DMBT1: variants seen among roughly 807,000 people sequenced by gnomAD.
DMBT1 encodes scavenger receptor cysteine-rich domain-containing protein DMBT1.
Under a neutral mutation model 252.9 loss-of-function variants are expected in DMBT1, and 198 were observed. The observed-to-expected ratio is 0.78, with a 90% confidence interval of 0.70 to 0.88. DMBT1 has a LOEUF of 0.88. DMBT1 is among the 40% of genes least tolerant of loss of function. DMBT1 has a pLI of 0.00. For missense variants in DMBT1, 2,432 were observed against 2,404.7 expected, an observed-to-expected ratio of 1.01 and a Z score of -0.24; for synonymous variants, 990 against 942.7, an observed-to-expected ratio of 1.05 and a Z score of -0.92.
chr10:122,624,540 A>G (rs535895592), intron 44 of DMBT1, among the ~76,000 whole-genome samples: 53 of 152,176 alleles, frequency 3.5e-4, no homozygotes, highest in African/African-American at 1.2e-3. Flanking sequence ...CTAGAATCCA[A>G]TTCTGGTTTG....
chr10:122,618,189 A>C lies in DMBT1; in HGVS notation c.5064A>C (p.Pro1688=). 1.2e-6 allele frequency: 2 copies of C among 1,613,900 alleles called. No homozygotes were observed. The highest frequency in any genetic ancestry group is 1.7e-6 in the Non-Finnish European group (2 of 1,179,832). ...QLGCGWAMSA[P]GNAQFGQGSG... ...GCTGTGGCTGGGCCATGTCAGCCCC[A>C]GGAAATGCCCAGTTTGGCCAGGGCT... Residue 1688 remains proline (P), a synonymous_variant, in exon 41 of 56, where the codon CCA becomes CCC. Transcript: ENST00000338354.
At chr10:122,627,548 G>A (rs554551793) in intron 46 of DMBT1, among the ~76,000 whole-genome samples, 2 of 152,116 alleles carry the variant, frequency 1.3e-5, no homozygotes, top group South Asian at 2.1e-4. Context: ...TTAGTTAAAC[G>A]GTTACTAATT....
intron 14 of DMBT1, among the ~76,000 whole-genome samples, chr10:122,584,955 C>G (rs2097776911): frequency 6.7e-6 from 1 of 149,202 alleles, no homozygotes; most frequent in East Asian, 2.1e-4. Context: ...TTAGCTCGAG[C>G]TAGTAGAGTG....
Position 122,570,271 on chromosome 10 carries a change from T to C in DMBT1, c.139+62T>C, listed in dbSNP as rs1038336343. 1.4e-5 allele frequency: 19 copies of C among 1,329,994 alleles called. 1 individual carries two copies. The South Asian group carries it at 2.2e-4, about 16-fold the overall frequency. The allele number at this position is 1,329,994 out of a possible 1,614,324, so 82.4% of individuals were successfully genotyped here. ...ACCCCACTGCACCCCTAGGTTCATC[T>C]CTGATCCAGAAGAGATGCAGAAGCC... On this transcript the variant is annotated intron_variant, in intron 3 of 55. Transcript: ENST00000338354.
At chr10:122,634,428 TCTTCTCTC>T (rs2098201484) in intron 52 of DMBT1, among the ~76,000 whole-genome samples, 1 of 78,364 alleles carries the variant, frequency 1.3e-5, no homozygotes, top group Non-Finnish European at 2.4e-5. Context: ...TCTCTCTCTC[TCTTCTCTC>T]TCTCTCTCTC....
At chr10:122,629,389 G>T (rs867278770) in intron 46 of DMBT1, among the ~76,000 whole-genome samples, 1 of 152,188 alleles carries the variant, frequency 6.6e-6, no homozygotes, top group African/African-American at 2.4e-5. Context: ...CTAACCCAAC[G>T]TTGTGCTACT....
At position 122,591,387 on chromosome 10, in the gene DMBT1, T is replaced by C. The variant is rs1040903167; in HGVS notation, c.2138-92T>C. 1.9e-5 allele frequency: 26 copies of C among 1,370,118 alleles called. 1 individual carries two copies. Among genetic ancestry groups the C allele is most frequent in the Non-Finnish European group, 2.3e-5 (22 of 968,400 alleles). The allele number at this position is 1,370,118 out of a possible 1,614,324, so 84.9% of individuals were successfully genotyped here. A position where few individuals can be genotyped will look rare whatever the true frequency, so the allele number is the denominator to read the frequency against. On this transcript the variant is annotated intron_variant, in intron 18 of 55. Coordinates refer to ENST00000338354, the MANE Select transcript of DMBT1 (RefSeq NM_001377530.1). ...GGCAGGAACTAGAAATGGAAGAATA[T>C]TCATGATGCTTGCCTTGTCCAGAGA...
chr10:122,616,908 T>C (rs534421996), intron 39 of DMBT1, among the ~76,000 whole-genome samples: 1,202 of 106,704 alleles, frequency 0.011, 39 homozygotes, highest in African/African-American at 0.046. Context: ...TGCCAGTGTC[T>C]GAGCCTCAGC....
chr10:122,618,798 G>T (rs564466467), intron 41 of DMBT1, among the ~76,000 whole-genome samples: 1 of 152,366 alleles, frequency 6.6e-6, no homozygotes, highest in South Asian at 2.1e-4. Flanking sequence ...GAGGCTCAAG[G>T]GTTAGGAGTG....
At chr10:122,580,971 C>G in intron 11 of DMBT1, 76 bp downstream of exon 11, 1 of 1,549,914 alleles carries the variant, frequency 6.5e-7, no homozygotes, top group Admixed American at 1.9e-5. Context: ...CCACAGAGCT[C>G]TCCTGTTTCT....
Position 122,591,530 on chromosome 10 carries a change from C to T in DMBT1, c.2176+13C>T. 6.3e-7 allele frequency: 1 copy of T among 1,582,110 alleles called. No homozygotes were observed. The highest frequency in any genetic ancestry group is 1.3e-5 in the African/African-American group (1 of 74,654). On this transcript the variant is annotated intron_variant, in intron 19 of 55. Coordinates refer to ENST00000338354, the MANE Select transcript of DMBT1 (RefSeq NM_001377530.1). ...CCATCGACAGTAGGTAAATAATCCT[C>T]TCACCCCTCCCTAGGGCTCACTCTC...
chr10:122,617,770 A>C (rs2098010294), intron 40 of DMBT1, among the ~76,000 whole-genome samples: 1 of 151,548 alleles, frequency 6.6e-6, no homozygotes, highest in Admixed American at 6.6e-5. Flanking sequence ...TGGGGCATTC[A>C]TTCCTGTCAC....
intron 1 of DMBT1, among the ~76,000 whole-genome samples, chr10:122,562,001 C>T (rs2097551423): frequency 6.6e-6 from 1 of 151,800 alleles, no homozygotes; most frequent in African/African-American, 2.4e-5. Context: ...CAGCTATTAT[C>T]ACCTTCCCTC....
At chr10:122,621,833 C>T (rs967712433) in intron 44 of DMBT1, among the ~76,000 whole-genome samples, 1 of 152,172 alleles carries the variant, frequency 6.6e-6, no homozygotes, top group Non-Finnish European at 1.5e-5. Context: ...GGATTGGAGG[C>T]ATATGGGCTA....
intron 17 of DMBT1, among the ~76,000 whole-genome samples, chr10:122,590,011 G>A (rs1464627149): frequency 2.7e-5 from 4 of 148,578 alleles, no homozygotes; most frequent in African/African-American, 7.3e-5. Flanking sequence ...TTAGGTGAGG[G>A]TGAGGTGGAT....
At chr10:122,626,001 T>C (rs1337059329) in intron 46 of DMBT1, 36 bp downstream of exon 46, 4 of 1,570,728 alleles carry the variant, frequency 2.5e-6, no homozygotes, top group Non-Finnish European at 3.5e-6. Context: ...CCATAGGTCA[T>C]ACATTTCTTA....
chr10:122,642,812 G>C (rs17811041), intron 55 of DMBT1, among the ~76,000 whole-genome samples: 16,179 of 152,202 alleles, frequency 0.11, 930 homozygotes, highest in African/African-American at 0.16. Flanking sequence ...GTTTACCTGG[G>C]TGCATGGAGC....
intron 55 of DMBT1, among the ~76,000 whole-genome samples, chr10:122,641,044 G>A (rs1397027856): frequency 6.6e-6 from 1 of 152,214 alleles, no homozygotes; most frequent in Non-Finnish European, 1.5e-5. Flanking sequence ...GGTCCACCAG[G>A]AATGTGCACT....
In DMBT1 at chr10:122,625,178, G is replaced by A. The variant is rs543243008; in HGVS notation, c.5609-99G>A. ...CACTCTCCTGGATGACTCTTGGGGA[G>A]CATTTCTAAGTGATGAGATGGGGAC... On this transcript the variant is annotated intron_variant, in intron 44 of 55. Coordinates refer to ENST00000338354, the MANE Select transcript of DMBT1 (RefSeq NM_001377530.1). 219 of 1,149,900 alleles carry A rather than the reference G, an allele frequency of 1.9e-4. No homozygotes were observed. In the African/African-American group the frequency reaches 2.8e-3, roughly 14 times the overall value. The allele number at this position is 1,149,900 out of a possible 1,614,324, so 71.2% of individuals were successfully genotyped here.
Sources: gnomAD v4.1 joint callset for allele counts (sites outside exome capture counted in the v4.1 genomes callset) on GRCh38, gnomAD v4.1.1 for gene constraint, MANE v1.5 for transcripts, NCBI Gene and HGNC (gene_info 2026-07-23, HGNC 2026-07-21) for gene names.